Variants in NXN observed in about 807,000 individuals in gnomAD.
NXN encodes the protein nucleoredoxin.
Under a neutral mutation model 48.6 loss-of-function variants are expected in NXN, and 16 were observed. The ratio of observed to expected loss-of-function variants is 0.33; its 90% confidence interval spans 0.22 to 0.50. NXN has a LOEUF of 0.50. Ranked by LOEUF, NXN falls within the 20% of genes least tolerant of loss-of-function variation. The probability of loss-of-function intolerance (pLI) is 0.98; values close to 1 mark genes in which losing one functional copy is unlikely to be tolerated. For synonymous variants in NXN, 281 were observed against 269.6 expected, an observed-to-expected ratio of 1.04 and a Z score of -0.41; for missense variants, 492 against 605.5, an observed-to-expected ratio of 0.81 and a Z score of 1.97.
At chr17:856,856 A>G (rs1055398408) in intron 1 of NXN, among the ~76,000 whole-genome samples, 2 of 152,070 alleles carry the variant, frequency 1.3e-5, no homozygotes, top group Non-Finnish European at 2.9e-5. Flanking sequence ...GGCTTTCTCT[A>G]CAGCTCTCCT....
chr17:954,100 A>T (rs761444675), intron 1 of NXN, among the ~76,000 whole-genome samples: 34 of 152,220 alleles, frequency 2.2e-4, no homozygotes, highest in Middle Eastern at 6.8e-3. Flanking sequence ...ACTCCTGGCC[A>T]GGCGCCGTGG....
chr17:859,838 A>G (rs1321549876), intron 1 of NXN, among the ~76,000 whole-genome samples: 1 of 152,200 alleles, frequency 6.6e-6, no homozygotes, highest in Non-Finnish European at 1.5e-5. Flanking sequence ...ATAGGTGACT[A>G]AACAACAGGC....
At position 842,799 on chromosome 17, in the gene NXN, C is replaced by T. The variant is rs1057397107; in HGVS notation, c.361-16721G>A. On this transcript the variant is annotated intron_variant, in intron 1 of 7. Coordinates refer to ENST00000336868, the MANE Select transcript of NXN (RefSeq NM_022463.5). Reference sequence around the variant, plus strand: ...ACCAAAAATACAAAAATTAGCTGGGCGTGGTTGCACACGCCTGTAATCTCA... The same window carrying T: ...ACCAAAAATACAAAAATTAGCTGGGTGTGGTTGCACACGCCTGTAATCTCA... 2.0e-5 allele frequency among the ~76,000 whole-genome samples: 3 copies of T among 152,212 alleles called. No individual in the cohort carries two copies. In the East Asian group the frequency reaches 5.8e-4, roughly 29 times the overall value.
rs2068696901 is a variant in NXN at position 917,199 on chromosome 17, T to G, written c.360+62120A>C. ...TTCTGTAGCCCAGGCTGGAGTGCAA[T>G]GGCGCGACCTCGGCTCGCCGTGGCC... On this transcript the variant is annotated intron_variant, in intron 1 of 7. Coordinates refer to ENST00000336868, the MANE Select transcript of NXN (RefSeq NM_022463.5). The surrounding 1 kb of genome is among the most constrained non-coding windows in gnomAD (Gnocchi z 4.5). Among the ~76,000 whole-genome samples, 1 of 150,484 alleles carries G rather than the reference T, an allele frequency of 6.6e-6. No homozygotes were observed. The highest frequency in any genetic ancestry group is 6.6e-5 in the Admixed American group (1 of 15,100).
chr17:861,684 T>C (rs1435979273), intron 1 of NXN, among the ~76,000 whole-genome samples: 1 of 151,820 alleles, frequency 6.6e-6, no homozygotes, highest in African/African-American at 2.4e-5. Context: ...TCAAGAGCCA[T>C]CTTGAAAAGA....
chr17:807,762 T>A (rs945844318), intron 5 of NXN, among the ~76,000 whole-genome samples: 1 of 152,252 alleles, frequency 6.6e-6, no homozygotes, highest in Non-Finnish European at 1.5e-5. Flanking sequence ...ATGTCTGCTG[T>A]GCCAGGCTGC....
intron 1 of NXN, among the ~76,000 whole-genome samples, chr17:852,646 G>A (rs1424261168): frequency 2.0e-5 from 3 of 152,180 alleles, no homozygotes; most frequent in African/African-American, 2.4e-5. Flanking sequence ...CTGGGTGGGT[G>A]GAGGAGGGAG....
chr17:818,833 G>A (rs57107989), intron 5 of NXN, among the ~76,000 whole-genome samples: 8 of 151,050 alleles, frequency 5.3e-5, no homozygotes, highest in African/African-American at 1.7e-4. Flanking sequence ...TGCAGTGAGC[G>A]GAGATCGCAC....
intron 1 of NXN, among the ~76,000 whole-genome samples, chr17:971,896 C>T (rs1489126654): frequency 1.3e-5 from 2 of 151,762 alleles, no homozygotes; most frequent in Admixed American, 6.6e-5. Context: ...GGCCGGGCGC[C>T]GCAGCTCACG....
intron 5 of NXN, among the ~76,000 whole-genome samples, chr17:806,607 G>T (rs917636221): frequency 6.6e-6 from 1 of 152,028 alleles, no homozygotes; most frequent in East Asian, 1.9e-4. Flanking sequence ...CTCTCCTCCT[G>T]GGCTGCCCAG....
chr17:926,621 CCA>C (rs1329047202), intron 1 of NXN, among the ~76,000 whole-genome samples: 1 of 151,604 alleles, frequency 6.6e-6, no homozygotes, highest in Non-Finnish European at 1.5e-5. Flanking sequence ...TCTCGGCTCA[CCA>C]CAGCCTCTGC....
chr17:818,751 G>A (rs1387501707), intron 5 of NXN, among the ~76,000 whole-genome samples: 1 of 151,982 alleles, frequency 6.6e-6, no homozygotes, highest in Non-Finnish European at 1.5e-5. Context: ...CCGGGCGTGT[G>A]GTGGGCGCCT....
At chr17:938,026 G>A (rs1261421208) in intron 1 of NXN, among the ~76,000 whole-genome samples, 1 of 152,254 alleles carries the variant, frequency 6.6e-6, no homozygotes, top group African/African-American at 2.4e-5. Context: ...AGGACAGGAA[G>A]GAAGAGGAAT....
intron 1 of NXN, among the ~76,000 whole-genome samples, chr17:904,842 C>A (rs1236520285): frequency 6.6e-6 from 1 of 152,182 alleles, no homozygotes; most frequent in African/African-American, 2.4e-5. Flanking sequence ...CCATGCCCGG[C>A]CCTTGGCAGT....
chr17:843,795 T>C (rs536483129), intron 1 of NXN, among the ~76,000 whole-genome samples: 11 of 152,326 alleles, frequency 7.2e-5, no homozygotes, highest in African/African-American at 2.4e-4. Flanking sequence ...GTTGGGACCC[T>C]GACCTGCAGC....
intron 1 of NXN, among the ~76,000 whole-genome samples, chr17:934,162 G>C (rs562756899): frequency 2.6e-5 from 4 of 151,996 alleles, no homozygotes; most frequent in Admixed American, 6.6e-5. Flanking sequence ...AGCACCCCGG[G>C]AGGCCGGGCG....
rs200136022 is a variant in NXN at position 819,534 on chromosome 17, G to C, written c.725C>G (p.Ser242Cys). ...CATCTCACTGAAGTACTGTTTGAAG[G>C]ACTCCTCCGACCTACAGAGAGACAC... ...IFVSADRSEE[S>C]FKQYFSEMPW... is the part of the protein sequence containing the mutation. The change falls in exon 5 of 8, where the codon TCC (serine) becomes TGC (cysteine). Residue 242 changes from serine to cysteine, a missense_variant. Coordinates refer to ENST00000336868, the MANE Select transcript of NXN (RefSeq NM_022463.5). The C allele has an allele frequency of 6.2e-7, 1 of 1,604,152 alleles. No individual in the cohort carries two copies. Among genetic ancestry groups the C allele is most frequent in the Admixed American group, 1.7e-5 (1 of 59,010 alleles).
intron 1 of NXN, among the ~76,000 whole-genome samples, chr17:848,965 T>C (rs878982675): frequency 7.9e-5 from 12 of 152,206 alleles, no homozygotes; most frequent in African/African-American, 2.7e-4. Context: ...TAAACACTTA[T>C]TGAGCATCTC....
Position 920,368 on chromosome 17 carries a change from C to G in NXN, c.360+58951G>C, listed in dbSNP as rs576862997. On this transcript the variant is annotated intron_variant, in intron 1 of 7. Transcript: ENST00000336868. This position sits in a 1 kb window ranked among gnomAD's most constrained non-coding sequence, Gnocchi z 4.6. ...GTGCCCATGTGGCTCTCCTCCCAGC[C>G]CCGAGCGCCTGGGGATACCTAGGCC... Among the ~76,000 whole-genome samples the G allele has an allele frequency of 2.0e-5, 3 of 152,104 alleles. No individual in the cohort carries two copies. Among genetic ancestry groups the G allele is most frequent in the African/African-American group, 4.8e-5 (2 of 41,422 alleles).
Sources: gnomAD v4.1 joint callset for allele counts (sites outside exome capture counted in the v4.1 genomes callset) on GRCh38, gnomAD v4.1.1 for gene constraint, Gnocchi (gnomAD v3.1) non-coding constraint, MANE v1.5 for transcripts, NCBI Gene and HGNC (gene_info 2026-07-23, HGNC 2026-07-21) for gene names.